The following GPAT4 variants were observed in gnomAD, a reference collection of about 807,000 sequenced individuals.
GPAT4 encodes the protein glycerol-3-phosphate acyltransferase 4, also known as 1-AGP acyltransferase 6.
In GPAT4, 17 loss-of-function variants were observed where a neutral mutation model predicts 58.0. That is an observed-to-expected ratio of 0.29 (90% CI 0.20 to 0.44). The LOEUF (loss-of-function observed/expected upper bound fraction) is 0.44, where lower values mean the gene tolerates loss of function less well. Ranked by LOEUF, GPAT4 falls within the 20% of genes least tolerant of loss-of-function variation. The pLI is 1.00. For synonymous variants in GPAT4, 204 were observed against 210.1 expected (o/e 0.97, Z 0.25); for missense variants, 377 against 574.5 (o/e 0.66, Z 3.51).
Position 41,621,058 on chromosome 8 carries a change from A to C in GPAT4, c.*57A>C. 1 of 1,546,318 alleles carries C rather than the reference A, an allele frequency of 6.5e-7. No individual in the cohort carries two copies. The highest frequency in any genetic ancestry group is 8.7e-7 in the Non-Finnish European group (1 of 1,144,842). On this transcript the variant is annotated 3_prime_UTR_variant, in exon 13 of 13. Coordinates refer to ENST00000396987, the MANE Select transcript of GPAT4 (RefSeq NM_178819.4). ...GGGGTGCCAACGGGCTCAGAGCTGG[A>C]GTTGCCGCCGCCGCCCCCACTGCTG...
Position 41,587,443 on chromosome 8 carries a change from C to T in GPAT4, c.-849+9165C>T, listed in dbSNP as rs577326805. Among the ~76,000 whole-genome samples the T allele has an allele frequency of 4.6e-5, 7 of 152,154 alleles. No individual in the cohort carries two copies. In the East Asian group the frequency reaches 5.8e-4, roughly 13 times the overall value. On this transcript the variant is annotated intron_variant, in intron 1 of 12. Transcript: ENST00000396987. ...TTCCATTATATCCTCTATTGGGAGA[C>T]GTTGATGTTTGTTTTGATATTACAG... is the stretch of plus-strand genomic sequence containing the variant.
chr8:41,609,626 C>G, intron 3 of GPAT4, 29 bp from the exon 4 acceptor site: 1 of 1,607,084 alleles, frequency 6.2e-7, no homozygotes, highest in Non-Finnish European at 8.5e-7. Context: ...CCCCAGCGTG[C>G]TGCTTGACAG....
rs930076003 is a variant in GPAT4, at chr8:41,622,437, C to A, written c.*1436C>A. 1 of 152,340 alleles carries A rather than the reference C, an allele frequency of 6.6e-6. No homozygotes were observed. The highest frequency in any genetic ancestry group is 2.4e-5 in the African/African-American group (1 of 41,430). The allele number at this position is 152,340 out of a possible 1,614,324, so 9.4% of individuals were successfully genotyped here. ...GGAGGCAGAGCCAAGGCCAAGCAGC[C>A]CCTGTGGGTTCTGGGGTTTCACCAG... On this transcript the variant is annotated 3_prime_UTR_variant, in exon 13 of 13. Transcript: ENST00000396987.
At position 41,596,255 on chromosome 8, in the gene GPAT4, CCACA is replaced by C. The variant is rs151037905; in HGVS notation, c.-848-2029_-848-2026del. Among the ~76,000 whole-genome samples the C allele has an allele frequency of 4.8e-3, 726 of 152,128 alleles. 10 individuals carry two copies. The highest frequency in any genetic ancestry group is 0.017 in the African/African-American group (705 of 41,498). ...CTTGAGACAAAACACCACGCTCACC[CCACA>C]CACACACCACAAAACAAAGAACGGG... On this transcript the variant is annotated intron_variant, in intron 1 of 12. Coordinates refer to ENST00000396987, the MANE Select transcript of GPAT4 (RefSeq NM_178819.4).
intron 1 of GPAT4, among the ~76,000 whole-genome samples, chr8:41,590,296 C>T (rs968607859): frequency 8.5e-5 from 13 of 152,212 alleles, no homozygotes; most frequent in Admixed American, 1.3e-4. Context: ...CATGTTGGCC[C>T]GGCTGGTCTC....
At position 41,599,071 on chromosome 8, in the gene GPAT4, G is replaced by A. The variant is rs2150492209; in HGVS notation, c.-69G>A. On this transcript the variant is annotated 5_prime_UTR_variant, in exon 2 of 13. Coordinates refer to ENST00000396987, the MANE Select transcript of GPAT4 (RefSeq NM_178819.4). The stretch of plus-strand genomic sequence containing the variant: ...TCCTTTCCCTGGCTGGTGCTGTCAG[G>A]AAGGACCATCTGAAGGCTGCAATTT... 1 of 1,544,058 alleles carries A rather than the reference G, an allele frequency of 6.5e-7. No individual in the cohort carries two copies.
chr8:41,599,783 C>T (rs1016571787), intron 2 of GPAT4, among the ~76,000 whole-genome samples: 1 of 152,190 alleles, frequency 6.6e-6, no homozygotes, highest in Non-Finnish European at 1.5e-5. Context: ...CATTTCTGAA[C>T]ATATGTCAGA....
At chr8:41,587,380 C>T (rs1030306069) in intron 1 of GPAT4, among the ~76,000 whole-genome samples, 3 of 151,940 alleles carry the variant, frequency 2.0e-5, no homozygotes, top group Non-Finnish European at 4.4e-5. Context: ...TCAAATTCCC[C>T]TTCTCCTTCC....
At chr8:41,601,402 A>G (rs1803091280) in intron 2 of GPAT4, among the ~76,000 whole-genome samples, 1 of 152,218 alleles carries the variant, frequency 6.6e-6, no homozygotes, top group Admixed American at 6.5e-5. Context: ...TTTTAGTCCA[A>G]GAAAATCTCG....
chr8:41,615,389 T>A (rs552910056), intron 10 of GPAT4, among the ~76,000 whole-genome samples: 4 of 150,800 alleles, frequency 2.7e-5, no homozygotes, highest in African/African-American at 9.8e-5. Context: ...AGCTGGCTGA[T>A]TGCAGGGCAC....
At chr8:41,583,447 A>C (rs1802576385) in intron 1 of GPAT4, among the ~76,000 whole-genome samples, 1 of 152,120 alleles carries the variant, frequency 6.6e-6, no homozygotes, top group Non-Finnish European at 1.5e-5. Context: ...AAGTCAATTT[A>C]AATTTTTTTA....
rs1027640034 is a variant in GPAT4 at position 41,601,372 on chromosome 8, G to A, written c.165+2068G>A. Among the ~76,000 whole-genome samples the A allele has an allele frequency of 3.9e-5, 6 of 152,128 alleles. No individual in the cohort carries two copies. In the South Asian group the frequency reaches 6.2e-4, roughly 16 times the overall value. The stretch of plus-strand genomic sequence containing the variant: ...TTTTTTAATGTATTTATTTTAATTA[G>A]GAAATGTAATTTTCATATATTTTAG... On this transcript the variant is annotated intron_variant, in intron 2 of 12. Coordinates refer to ENST00000396987, the MANE Select transcript of GPAT4 (RefSeq NM_178819.4).
rs1387190029 is a variant in GPAT4, at chr8:41,623,639, C to G, written c.*2638C>G. The G allele has an allele frequency of 1.3e-5, 2 of 152,208 alleles. No individual in the cohort carries two copies. Among genetic ancestry groups the G allele is most frequent in the East Asian group, 1.9e-4 (1 of 5,194 alleles). The allele number at this position is 152,208 out of a possible 1,614,324, so 9.4% of individuals were successfully genotyped here. On this transcript the variant is annotated 3_prime_UTR_variant, in exon 13 of 13. Coordinates refer to ENST00000396987, the MANE Select transcript of GPAT4 (RefSeq NM_178819.4). ...CTGAAGTCTTCTGGGTTTGGAAATA[C>G]GGGAAGTCAGCTTTGAATCCATTGC...
intron 2 of GPAT4, among the ~76,000 whole-genome samples, chr8:41,607,131 A>G (rs1263448245): frequency 6.6e-6 from 1 of 152,140 alleles, no homozygotes; most frequent in Non-Finnish European, 1.5e-5. Flanking sequence ...CTGGGCTTAA[A>G]TGATCCTCCT....
chr8:41,598,950 C>G lies in GPAT4; in HGVS notation c.-190C>G. The G allele has an allele frequency of 1.4e-6, 1 of 702,146 alleles. No individual in the cohort carries two copies. Among genetic ancestry groups the G allele is most frequent in the Non-Finnish European group, 2.3e-6 (1 of 432,770 alleles). 43.5% of individuals were successfully genotyped at this position (702,146 alleles called of 1,614,324 possible). A position where few individuals can be genotyped will look rare whatever the true frequency, so the allele number is the denominator to read the frequency against. On this transcript the variant is annotated 5_prime_UTR_variant, in exon 2 of 13. Coordinates refer to ENST00000396987, the MANE Select transcript of GPAT4 (RefSeq NM_178819.4). ...TGGCGTTTGCAGTTGCCTCCTGTGG[C>G]CGTGTTTTTCTGTCATTCTGTTCCC...
chr8:41,586,462 T>A (rs949254288), intron 1 of GPAT4, among the ~76,000 whole-genome samples: 1 of 152,234 alleles, frequency 6.6e-6, no homozygotes, highest in East Asian at 1.9e-4. Flanking sequence ...ATGGTAACTT[T>A]GTTTAACCAT....
chr8:41,615,428 C>T (rs1299343659), intron 10 of GPAT4, among the ~76,000 whole-genome samples: 2 of 138,110 alleles, frequency 1.4e-5, no homozygotes, highest in African/African-American at 2.8e-5. Flanking sequence ...TGGATTTTTG[C>T]ATTTTGGGGG....
chr8:41,599,159 T>C lies in GPAT4; in HGVS notation c.20T>C (p.Phe7Ser). Residue 7 changes from phenylalanine to serine, a missense_variant, in exon 2 of 13, where the codon TTT becomes TCT. Physicochemically the swap from Phe to Ser is radical, Grantham distance 155. Coordinates refer to ENST00000396987, the MANE Select transcript of GPAT4 (RefSeq NM_178819.4). ...TCCACCATGTTCCTGTTGCTGCCTTTTGATAGCCTGATTGTCAACCTTCTG... is the reference window on the plus strand; with the variant it reads ...TCCACCATGTTCCTGTTGCTGCCTTCTGATAGCCTGATTGTCAACCTTCTG... The part of the protein sequence containing the change: MFLLLP[F>S]DSLIVNLLGI... 1 of 1,611,786 alleles carries C rather than the reference T, an allele frequency of 6.2e-7. No individual in the cohort carries two copies. The highest frequency in any genetic ancestry group is 8.5e-7 in the Non-Finnish European group (1 of 1,179,348).
In GPAT4 at chr8:41,606,014, C is replaced by T. The variant is rs917222788; in HGVS notation, c.166-3402C>T. 4.6e-5 allele frequency among the ~76,000 whole-genome samples: 7 copies of T among 152,222 alleles called. No individual in the cohort carries two copies. In the South Asian group the frequency reaches 1.4e-3, roughly 31 times the overall value. On this transcript the variant is annotated intron_variant, in intron 2 of 12. Coordinates refer to ENST00000396987, the MANE Select transcript of GPAT4 (RefSeq NM_178819.4). ...GAACCACGAGGCAGCTGGGTGAGAG[C>T]ATCCTCTTGGGAGGATGGCAAGGGC...
Sources: allele counts gnomAD v4.1 joint callset (sites outside exome capture counted in the v4.1 genomes callset), GRCh38; gene constraint gnomAD v4.1.1; transcripts MANE v1.5; gene names NCBI Gene and HGNC (gene_info 2026-07-23, HGNC 2026-07-21).